Variants in CTTNBP2 observed in about 807,000 individuals in gnomAD.
CTTNBP2 encodes the protein cortactin binding protein 2.
Under a neutral mutation model 156.9 loss-of-function variants are expected in CTTNBP2, and 108 were observed. That is an observed-to-expected ratio of 0.69 (90% CI 0.59 to 0.81). The LOEUF is 0.81. Among genes scored for constraint, CTTNBP2 ranks in the 30% least tolerant of loss-of-function variants. CTTNBP2 has a pLI of 0.00. For missense variants in CTTNBP2, 1,924 were observed against 2,035.4 expected, an observed-to-expected ratio of 0.95 and a Z score of 1.05; for synonymous variants, 767 against 751.8, an observed-to-expected ratio of 1.02 and a Z score of -0.33.
chr7:117,787,164 G>A (rs550692318), intron 4 of CTTNBP2, among the ~76,000 whole-genome samples: 16 of 152,196 alleles, frequency 1.1e-4, no homozygotes, highest in African/African-American at 3.4e-4. Context: ...TGAAATTCCC[G>A]ACAATCATAA....
chr7:117,752,719 A>T (rs34292695), intron 12 of CTTNBP2, among the ~76,000 whole-genome samples: 1 of 152,124 alleles, frequency 6.6e-6, no homozygotes, highest in Admixed American at 6.6e-5. Flanking sequence ...AGGCTAATAA[A>T]CTATGATTAC....
intron 12 of CTTNBP2, among the ~76,000 whole-genome samples, chr7:117,748,349 T>C (rs996327563): frequency 6.6e-6 from 1 of 152,234 alleles, no homozygotes; most frequent in Non-Finnish European, 1.5e-5. Flanking sequence ...GTCCTTTTGA[T>C]ATGCATAGTC....
intron 2 of CTTNBP2, 130 bp from the exon 3 acceptor site, chr7:117,811,119 A>G: frequency 1.5e-6 from 1 of 689,126 alleles, no homozygotes; most frequent in African/African-American, 1.8e-5. Context: ...TTATGATGTC[A>G]GTGGTGAGTG....
intron 8 of CTTNBP2, among the ~76,000 whole-genome samples, chr7:117,775,674 G>A (rs891705473): frequency 4.8e-4 from 73 of 151,762 alleles, no homozygotes; most frequent in Non-Finnish European, 8.8e-5. Flanking sequence ...TCTTTTAAAG[G>A]AGTGGAGGCA....
chr7:117,775,006 A>C (rs1798016530), intron 8 of CTTNBP2, among the ~76,000 whole-genome samples: 1 of 152,170 alleles, frequency 6.6e-6, no homozygotes. Context: ...CAAATGATAC[A>C]AATATATTTT....
chr7:117,719,465 G>T, intron 21 of CTTNBP2, 39 bp downstream of exon 21: 1 of 1,580,250 alleles, frequency 6.3e-7, no homozygotes, highest in South Asian at 1.2e-5. Context: ...CCCAGCTGTT[G>T]AGTAGAGCCA....
chr7:117,861,344 GA>G lies in CTTNBP2; in HGVS notation c.82-29del, dbSNP rs1803732460. On this transcript the variant is annotated intron_variant, in intron 1 of 22. Coordinates refer to ENST00000160373, the MANE Select transcript of CTTNBP2 (RefSeq NM_033427.3). Reference sequence around the variant, plus strand: ...GTAACACATAAAAAAATAAGGCCATGAAAAATCTTTTCCTAAGGAAGACACA... The same window carrying G: ...GTAACACATAAAAAAATAAGGCCATGAAAATCTTTTCCTAAGGAAGACACA... 3.3e-6 allele frequency: 5 copies of G among 1,511,752 alleles called. No individual in the cohort carries two copies. In the Admixed American group the frequency reaches 5.4e-5, roughly 16 times the overall value. The allele number at this position is 1,511,752 out of a possible 1,614,324, so 93.6% of individuals were successfully genotyped here.
At chr7:117,760,305 C>T in intron 10 of CTTNBP2, 130 bp downstream of exon 10, 2 of 861,168 alleles carry the variant, frequency 2.3e-6, no homozygotes, top group South Asian at 3.7e-5. Context: ...TCAAGTTTTT[C>T]AGCACCGGCA....
At chr7:117,850,533 G>A (rs911279734) in intron 2 of CTTNBP2, among the ~76,000 whole-genome samples, 14 of 152,230 alleles carry the variant, frequency 9.2e-5, no homozygotes, top group Middle Eastern at 3.4e-3. Context: ...AAGGAGACAC[G>A]GCAAAGCAGT....
intron 4 of CTTNBP2, among the ~76,000 whole-genome samples, chr7:117,785,264 A>G (rs1344326457): frequency 1.3e-5 from 2 of 152,244 alleles, no homozygotes; most frequent in Non-Finnish European, 2.9e-5. Flanking sequence ...TAGCAGCTTT[A>G]GAAGAGAGTC....
chr7:117,842,544 C>CAGTAA (rs944548780), intron 2 of CTTNBP2, among the ~76,000 whole-genome samples: 1 of 152,080 alleles, frequency 6.6e-6, no homozygotes, highest in South Asian at 2.1e-4. Flanking sequence ...AGAACCATCA[C>CAGTAA]AGTAAAGTAA....
chr7:117,760,393 C>A, intron 10 of CTTNBP2, 42 bp downstream of exon 10: 1 of 1,584,048 alleles, frequency 6.3e-7, no homozygotes, highest in South Asian at 1.1e-5. Context: ...CATAAATAAA[C>A]CCAGAAATTT....
intron 7 of CTTNBP2, among the ~76,000 whole-genome samples, chr7:117,779,337 C>T (rs920828801): frequency 3.3e-5 from 5 of 152,132 alleles, no homozygotes; most frequent in Non-Finnish European, 5.9e-5. Context: ...TTGATACTTT[C>T]TTATTATAAG....
At chr7:117,761,633 G>T (rs1404714546) in intron 9 of CTTNBP2, among the ~76,000 whole-genome samples, 1 of 152,106 alleles carries the variant, frequency 6.6e-6, no homozygotes, top group Non-Finnish European at 1.5e-5. Context: ...GGTATAAATG[G>T]GACAACTATA....
intron 2 of CTTNBP2, among the ~76,000 whole-genome samples, chr7:117,830,148 G>A (rs1801512825): frequency 6.6e-6 from 1 of 152,120 alleles, no homozygotes; most frequent in African/African-American, 2.4e-5. Context: ...AGCTAATTTA[G>A]TATTGGCAAC....
intron 22 of CTTNBP2, chr7:117,715,698 G>GT (rs1584875462): frequency 6.6e-6 from 1 of 152,200 alleles, no homozygotes; most frequent in East Asian, 1.9e-4. Flanking sequence ...TGTTAGAGCA[G>GT]TGAGGAGTTA....
intron 8 of CTTNBP2, 88 bp from the exon 9 acceptor site, chr7:117,767,264 A>G (rs949282462): frequency 1.3e-6 from 1 of 764,558 alleles, no homozygotes; most frequent in Admixed American, 1.8e-5. Flanking sequence ...GCCTATAACA[A>G]TCACATCAAG....
intron 16 of CTTNBP2, among the ~76,000 whole-genome samples, chr7:117,733,553 A>G (rs1167973224): frequency 1.3e-5 from 2 of 152,260 alleles, no homozygotes; most frequent in African/African-American, 4.8e-5. Flanking sequence ...GAAAAGCTAC[A>G]GACCTATGAC....
At position 117,836,671 on chromosome 7, in the gene CTTNBP2, T is replaced by A. The variant is rs576009602; in HGVS notation, c.189+24538A>T. Among the ~76,000 whole-genome samples, 5 of 152,354 alleles carry A rather than the reference T, an allele frequency of 3.3e-5. No individual in the cohort carries two copies. The South Asian group carries it at 1.0e-3, about 32-fold the overall frequency. On this transcript the variant is annotated intron_variant, in intron 2 of 22. Transcript: ENST00000160373. ...TACCTTAAGCGTCTGTATTAGTCTG[T>A]TCTCACTGTGCTAATAAAAACATAC...
Sources: gnomAD v4.1 joint callset for allele counts (sites outside exome capture counted in the v4.1 genomes callset) on GRCh38, gnomAD v4.1.1 for gene constraint, MANE v1.5 for transcripts, NCBI Gene and HGNC (gene_info 2026-07-23, HGNC 2026-07-21) for gene names.